SDHAF3: variants seen among roughly 807,000 people sequenced by gnomAD.
SDHAF3 encodes the protein succinate dehydrogenase assembly factor 3, mitochondrial.
A neutral mutation model predicts 11.5 loss-of-function variants in SDHAF3; 18 were observed. The observed-to-expected ratio is 1.56, with a 90% confidence interval of 1.08 to 2.32. The LOEUF is 2.32. Among genes scored for constraint, SDHAF3 ranks in the 30% most tolerant of loss-of-function variants. SDHAF3 has a pLI of 0.00. For synonymous variants in SDHAF3, 72 were observed against 59.3 expected, an observed-to-expected ratio of 1.21 and a Z score of -0.99; for missense variants, 200 against 154.4, an observed-to-expected ratio of 1.30 and a Z score of -1.57.
chr7:97,164,116 T>C (rs1789460569), intron 1 of SDHAF3, among the ~76,000 whole-genome samples: 2 of 151,934 alleles, frequency 1.3e-5, no homozygotes, highest in Admixed American at 1.3e-4. Flanking sequence ...GGCTGTTTTT[T>C]TTATATTTTA....
intron 1 of SDHAF3, among the ~76,000 whole-genome samples, chr7:97,127,905 T>G (rs931611585): frequency 6.8e-6 from 1 of 146,112 alleles, no homozygotes; most frequent in Admixed American, 6.8e-5. Context: ...AAGTTTTTTT[T>G]TTTTTTTTTT....
chr7:97,174,998 G>A (rs1364600342), intron 1 of SDHAF3, among the ~76,000 whole-genome samples: 1 of 152,086 alleles, frequency 6.6e-6, no homozygotes, highest in Non-Finnish European at 1.5e-5. Flanking sequence ...GGCTTACTAG[G>A]TGTATTTTTT....
intron 1 of SDHAF3, among the ~76,000 whole-genome samples, chr7:97,151,268 T>TA (rs1562826126): frequency 6.6e-6 from 1 of 151,924 alleles, no homozygotes; most frequent in Non-Finnish European, 1.5e-5. Context: ...TCTCACAAAA[T>TA]AAAAGACTCA....
chr7:97,176,026 T>C (rs569862571), intron 1 of SDHAF3, among the ~76,000 whole-genome samples: 1 of 152,324 alleles, frequency 6.6e-6, no homozygotes, highest in African/African-American at 2.4e-5. Flanking sequence ...TCATATCACA[T>C]TCTCCTCTGT....
chr7:97,161,787 A>G lies in SDHAF3; in HGVS notation c.175-19225A>G, dbSNP rs541315575. On this transcript the variant is annotated intron_variant, in intron 1 of 1. Transcript: ENST00000432641. ...AACTCATCCTTTTTTATGGATGCAT[A>G]GTATTCCATGGTGGTATGTGCCACA... Among the ~76,000 whole-genome samples, 4 of 152,320 alleles carry G rather than the reference A, an allele frequency of 2.6e-5. No homozygotes were observed. In the East Asian group the frequency reaches 5.8e-4, roughly 22 times the overall value.
At chr7:97,121,511 G>C (rs956764169) in intron 1 of SDHAF3, among the ~76,000 whole-genome samples, 1 of 152,130 alleles carries the variant, frequency 6.6e-6, no homozygotes, top group African/African-American at 2.4e-5. Context: ...TTTGTTTCTA[G>C]AAAAAGGCAG....
chr7:97,169,962 G>A (rs879238392), intron 1 of SDHAF3, among the ~76,000 whole-genome samples: 1 of 152,010 alleles, frequency 6.6e-6, no homozygotes, highest in Admixed American at 6.6e-5. Flanking sequence ...AATCAGTAGT[G>A]TATATACATT....
Position 97,123,395 on chromosome 7 carries a change from T to G in SDHAF3, c.174+5498T>G, listed in dbSNP as rs573971280. On this transcript the variant is annotated intron_variant, in intron 1 of 1. Transcript: ENST00000432641. Reference sequence around the variant, plus strand: ...CACATTTTCGGTATCCAGCCTATCGTTGATGGATATTTGGGTTGGTTCCAA... The same window carrying G: ...CACATTTTCGGTATCCAGCCTATCGGTGATGGATATTTGGGTTGGTTCCAA... 5.3e-5 allele frequency among the ~76,000 whole-genome samples: 8 copies of G among 152,332 alleles called. 1 individual carries two copies. The South Asian group carries it at 1.5e-3, about 28-fold the overall frequency.
At chr7:97,142,890 CTTTTTTTTTTTTT>C (rs35198717) in intron 1 of SDHAF3, 2 of 87,088 alleles carry the variant, frequency 2.3e-5, no homozygotes, top group Non-Finnish European at 4.5e-5. Context: ...TTCTTAAATT[CTTTTTTTTTTTTT>C]TTTTTTTTTT....
At chr7:97,175,752 C>G (rs1434107594) in intron 1 of SDHAF3, among the ~76,000 whole-genome samples, 2 of 152,168 alleles carry the variant, frequency 1.3e-5, no homozygotes, top group Non-Finnish European at 2.9e-5. Context: ...TTCAAAAACT[C>G]TAGTGGGAAA....
At chr7:97,176,577 T>C (rs1789682146) in intron 1 of SDHAF3, among the ~76,000 whole-genome samples, 2 of 152,094 alleles carry the variant, frequency 1.3e-5, no homozygotes, top group African/African-American at 4.8e-5. Flanking sequence ...CATTTTTCTC[T>C]CTTGCCAGGA....
intron 1 of SDHAF3, among the ~76,000 whole-genome samples, chr7:97,148,095 A>G (rs1789163728): frequency 6.6e-6 from 1 of 152,006 alleles, no homozygotes; most frequent in Non-Finnish European, 1.5e-5. Context: ...GGGTTTCACC[A>G]TGTCGTCAAG....
chr7:97,173,171 C>G (rs1464729648), intron 1 of SDHAF3, among the ~76,000 whole-genome samples: 1 of 152,176 alleles, frequency 6.6e-6, no homozygotes, highest in African/African-American at 2.4e-5. Flanking sequence ...GTGGACTGCA[C>G]CACTACCTGG....
chr7:97,170,441 A>G (rs1025540567), intron 1 of SDHAF3, among the ~76,000 whole-genome samples: 1 of 152,168 alleles, frequency 6.6e-6, no homozygotes. Flanking sequence ...GTACAATGCT[A>G]TTATTGTTTC....
At chr7:97,166,384 G>T (rs1322953144) in intron 1 of SDHAF3, among the ~76,000 whole-genome samples, 3 of 152,064 alleles carry the variant, frequency 2.0e-5, no homozygotes, top group African/African-American at 7.2e-5. Context: ...GGAGTTCCAG[G>T]TCATAGGGGG....
intron 1 of SDHAF3, among the ~76,000 whole-genome samples, chr7:97,141,855 TGAG>T (rs1175247035): frequency 6.6e-6 from 1 of 152,072 alleles, no homozygotes; most frequent in Non-Finnish European, 1.5e-5. Flanking sequence ...GTAAGTTCAT[TGAG>T]AACAAAAACA....
chr7:97,171,142 G>A (rs1407552311), intron 1 of SDHAF3, among the ~76,000 whole-genome samples: 1 of 151,766 alleles, frequency 6.6e-6, no homozygotes, highest in Admixed American at 6.6e-5. Flanking sequence ...TTTTGTTTTT[G>A]CTCCTCTAGG....
At chr7:97,119,536 C>G (rs1791460107) in intron 1 of SDHAF3, among the ~76,000 whole-genome samples, 1 of 152,028 alleles carries the variant, frequency 6.6e-6, no homozygotes. Context: ...TCCTGTTTCC[C>G]CCTGTGTTAG....
intron 1 of SDHAF3, among the ~76,000 whole-genome samples, chr7:97,147,472 A>C (rs1216991357): frequency 2.0e-5 from 3 of 152,220 alleles, no homozygotes; most frequent in Non-Finnish European, 4.4e-5. Context: ...AAATGCAACC[A>C]AAATCTAGGG....
Sources: gnomAD v4.1 joint callset for allele counts (sites outside exome capture counted in the v4.1 genomes callset) on GRCh38, gnomAD v4.1.1 for gene constraint, MANE v1.5 for transcripts, NCBI Gene and HGNC (gene_info 2026-07-23, HGNC 2026-07-21) for gene names.